CUX1: variants seen among roughly 807,000 people sequenced by gnomAD.
CUX1 encodes the protein cut like homeobox 1, also known as protein CASP.
Under a neutral mutation model 158.8 loss-of-function variants are expected in CUX1, and 31 were observed. That is an observed-to-expected ratio of 0.20 (90% CI 0.15 to 0.26). The LOEUF (loss-of-function observed/expected upper bound fraction) is 0.26. Ranked by LOEUF, CUX1 falls within the 10% of genes least tolerant of loss-of-function variation. The probability of loss-of-function intolerance (pLI) is 1.00; values close to 1 mark genes in which losing one functional copy is unlikely to be tolerated. For synonymous variants in CUX1, 879 were observed against 862.1 expected (o/e 1.02, Z -0.34); for missense variants, 1,589 against 2,014.6 (o/e 0.79, Z 4.04).
rs1469098485 is a variant in CUX1, at chr7:102,255,482, TA to T, written c.*6442del. On this transcript the variant is annotated 3_prime_UTR_variant, in exon 24 of 24. Transcript: ENST00000292535. ...CCCCATGCCCCCGTTCTTAAACTCT[TA>T]AGATGCCTTTGAGTTGCTTTTCATG... The T allele has an allele frequency of 1.0e-6, 1 of 985,316 alleles. No homozygotes were observed. Among genetic ancestry groups the T allele is most frequent in the Admixed American group, 6.1e-5 (1 of 16,262 alleles). The allele number at this position is 985,316 out of a possible 1,614,324, so 61.0% of individuals were successfully genotyped here. A position where few individuals can be genotyped will look rare whatever the true frequency, so the allele number is the denominator to read the frequency against.
intron 2 of CUX1, among the ~76,000 whole-genome samples, chr7:101,931,588 CAG>C (rs1306585989): frequency 6.6e-6 from 1 of 152,116 alleles, no homozygotes; most frequent in Non-Finnish European, 1.5e-5. Flanking sequence ...TTTTTTGAGA[CAG>C]AGTCTCACTC....
chr7:101,952,718 G>A (rs1050436800), intron 2 of CUX1, among the ~76,000 whole-genome samples: 18 of 152,140 alleles, frequency 1.2e-4, no homozygotes, highest in African/African-American at 3.9e-4. Flanking sequence ...CTTTTCTGCC[G>A]CCACCTTCTC....
At chr7:102,202,441 CCTTTCGACCCCTCA>C (rs1339738851) in intron 18 of CUX1, among the ~76,000 whole-genome samples, 4 of 152,150 alleles carry the variant, frequency 2.6e-5, no homozygotes, top group Non-Finnish European at 5.9e-5. Flanking sequence ...TGCATGCTGC[CCTTTCGACCCCTCA>C]CTTGGCGCTG....
intron 2 of CUX1, among the ~76,000 whole-genome samples, chr7:101,948,275 AC>A (rs747534767): frequency 3.9e-5 from 6 of 152,214 alleles, no homozygotes; most frequent in Non-Finnish European, 8.8e-5. Context: ...GGCTCCGTAA[AC>A]TTGGCATTAT....
intron 2 of CUX1, among the ~76,000 whole-genome samples, chr7:101,971,216 C>G (rs1464223330): frequency 6.6e-6 from 1 of 152,232 alleles, no homozygotes; most frequent in Non-Finnish European, 1.5e-5. Context: ...GCCCTTGACA[C>G]TATGCCATTC....
At chr7:102,134,948 A>G (rs1473317056) in intron 8 of CUX1, among the ~76,000 whole-genome samples, 1 of 152,168 alleles carries the variant, frequency 6.6e-6, no homozygotes, top group Non-Finnish European at 1.5e-5. Context: ...AAATGGGTAC[A>G]GTGGAAACTG....
chr7:102,220,957 C>A (rs1022407231), intron 20 of CUX1, among the ~76,000 whole-genome samples: 1 of 152,260 alleles, frequency 6.6e-6, no homozygotes, highest in South Asian at 2.1e-4. Flanking sequence ...GCGATCTGCC[C>A]ACCTCGGCCT....
chr7:101,991,686 G>A (rs1289780350), intron 2 of CUX1, among the ~76,000 whole-genome samples: 14 of 151,832 alleles, frequency 9.2e-5, no homozygotes, highest in African/African-American at 3.4e-4. Context: ...TTGAACCCGG[G>A]AGGCAGAGGT....
chr7:102,176,313 C>G (rs1203920206), intron 10 of CUX1, among the ~76,000 whole-genome samples: 4 of 152,176 alleles, frequency 2.6e-5, no homozygotes, highest in African/African-American at 9.7e-5. Context: ...TACCTGCCAG[C>G]TGGGGCCACG....
Position 102,050,487 on chromosome 7 carries a change from C to G in CUX1, c.190-19852C>G, listed in dbSNP as rs542329819. 4.6e-5 allele frequency among the ~76,000 whole-genome samples: 7 copies of G among 152,246 alleles called. No individual in the cohort carries two copies. In the East Asian group the frequency reaches 1.4e-3, roughly 29 times the overall value. Reference sequence around the variant, plus strand: ...GGCTGGTGGTTCCAAATTTTTGCCTCTGGCCTGGGCCCGTCATCCAACGCC... The same window carrying G: ...GGCTGGTGGTTCCAAATTTTTGCCTGTGGCCTGGGCCCGTCATCCAACGCC... On this transcript the variant is annotated intron_variant, in intron 3 of 23. Transcript: ENST00000292535.
At chr7:102,142,952 C>G (rs565201965) in intron 8 of CUX1, among the ~76,000 whole-genome samples, 1 of 152,066 alleles carries the variant, frequency 6.6e-6, no homozygotes, top group Non-Finnish European at 1.5e-5. Flanking sequence ...AAAAACAAAT[C>G]TGAAAGTAAA....
chr7:101,973,379 C>T (rs1015515389), intron 2 of CUX1, among the ~76,000 whole-genome samples: 1 of 152,206 alleles, frequency 6.6e-6, no homozygotes, highest in Admixed American at 6.5e-5. Flanking sequence ...GGCTCATTTC[C>T]ACCACTGCCC....
chr7:102,112,242 C>CTTT (rs1267673413), intron 7 of CUX1, among the ~76,000 whole-genome samples: 4 of 100,780 alleles, frequency 4.0e-5, no homozygotes, highest in South Asian at 6.1e-4. Flanking sequence ...TTCTCTCTCT[C>CTTT]TTTTTTTTTT....
intron 1 of CUX1, among the ~76,000 whole-genome samples, chr7:101,902,462 G>A (rs1802258258): frequency 6.6e-6 from 1 of 152,212 alleles, no homozygotes; most frequent in African/African-American, 2.4e-5. Flanking sequence ...AAGTATGGCA[G>A]CTGGAATGGA....
At chr7:102,070,486 C>A in intron 4 of CUX1, 69 bp downstream of exon 4, 2 of 1,230,700 alleles carry the variant, frequency 1.6e-6, no homozygotes, top group South Asian at 1.3e-5. Context: ...GTTTTTGGCT[C>A]ATTCTTCTTG....
At chr7:101,866,278 A>G (rs147133780) in intron 1 of CUX1, among the ~76,000 whole-genome samples, 9 of 151,562 alleles carry the variant, frequency 5.9e-5, no homozygotes, top group South Asian at 2.1e-4. Context: ...CTTGGCCAAC[A>G]TGGCGACACC....
At chr7:102,211,457 A>C (rs1189772694) in intron 20 of CUX1, among the ~76,000 whole-genome samples, 2 of 151,398 alleles carry the variant, frequency 1.3e-5, no homozygotes, top group Non-Finnish European at 2.9e-5. Context: ...CCGCAAAAAA[A>C]GAATACCTCT....
At chr7:101,863,140 A>G (rs766141826) in intron 1 of CUX1, among the ~76,000 whole-genome samples, 35 of 152,180 alleles carry the variant, frequency 2.3e-4, no homozygotes, top group Non-Finnish European at 4.4e-4. Context: ...GGACTTTGCA[A>G]AAAGTACAAC....
At chr7:101,913,282 G>A (rs565796970) in intron 1 of CUX1, 10 of 956,980 alleles carry the variant, frequency 1.0e-5, no homozygotes, top group Admixed American at 5.2e-5. Flanking sequence ...GGCGGGTGGC[G>A]GCTCGGTGTT....
Sources: gnomAD v4.1 joint callset for allele counts (sites outside exome capture counted in the v4.1 genomes callset) on GRCh38, gnomAD v4.1.1 for gene constraint, MANE v1.5 for transcripts, NCBI Gene and HGNC (gene_info 2026-07-23, HGNC 2026-07-21) for gene names.